The following NWD2 variants were observed in gnomAD, a reference collection of about 807,000 sequenced individuals.
NWD2 encodes the protein NACHT and WD repeat domain containing 2, also known as NACHT and WD repeat domain-containing protein 2.
Under a neutral mutation model 132.7 loss-of-function variants are expected in NWD2, and 37 were observed. That is an observed-to-expected ratio of 0.28 (90% CI 0.21 to 0.37). The LOEUF is 0.37. Among genes scored for constraint, NWD2 ranks in the 10% least tolerant of loss-of-function variants. The probability of loss-of-function intolerance (pLI) is 1.00; values close to 1 mark genes in which losing one functional copy is unlikely to be tolerated. For missense variants in NWD2, 1,592 were observed against 2,122.4 expected (o/e 0.75, Z 4.91); for synonymous variants, 705 against 803.0 (o/e 0.88, Z 2.06).
Position 37,325,972 on chromosome 4 carries a change from T to C in NWD2, c.188T>C (p.Val63Ala), listed in dbSNP as rs771873209. The C allele has an allele frequency of 2.5e-5, 38 of 1,549,038 alleles. No homozygotes were observed. The South Asian group carries it at 4.5e-4, about 18-fold the overall frequency. ...GAERQALREN[V>A]YPKLREFCRE... ...GAAAGACAGGCGCTAAGAGAAAATGTATATCCTAAACTGAGAGAATTCTGC... is the reference window on the plus strand; with the variant it reads ...GAAAGACAGGCGCTAAGAGAAAATGCATATCCTAAACTGAGAGAATTCTGC... The change falls in exon 2 of 7, where the codon GTA (valine) becomes GCA (alanine). Residue 63 changes from valine (V) to alanine (A), a missense_variant. Transcript: ENST00000309447.
intron 1 of NWD2, among the ~76,000 whole-genome samples, chr4:37,287,603 A>G (rs1009166467): frequency 9.2e-5 from 14 of 152,208 alleles, no homozygotes; most frequent in African/African-American, 2.4e-4. Flanking sequence ...AAGAACTCCA[A>G]CAACTCTAGC....
chr4:37,362,575 T>A, intron 3 of NWD2, among the ~76,000 whole-genome samples: 1 of 152,158 alleles, frequency 6.6e-6, no homozygotes, highest in East Asian at 1.9e-4. Flanking sequence ...GGGGAAAGAT[T>A]TTCTGTTTAA....
In NWD2 at chr4:37,286,964, G is replaced by C. The variant is rs192415431; in HGVS notation, c.152-38972G>C. 2.7e-3 allele frequency among the ~76,000 whole-genome samples: 417 copies of C among 152,270 alleles called. 6 individuals carry two copies. Among genetic ancestry groups the C allele is most frequent in the Admixed American group, 0.025 (384 of 15,288 alleles). On this transcript the variant is annotated intron_variant, in intron 1 of 6. Coordinates refer to ENST00000309447, the MANE Select transcript of NWD2 (RefSeq NM_001144990.2). ...CGTGTGAATCCTTCACCGGTCATCA[G>C]GGTATCCAGGTTCTCTCATCAGAAC... is the stretch of plus-strand genomic sequence containing the variant.
chr4:37,371,388 T>G (rs532345164), intron 3 of NWD2, among the ~76,000 whole-genome samples: 1 of 152,256 alleles, frequency 6.6e-6, no homozygotes, highest in East Asian at 1.9e-4. Context: ...AAGTTCAATA[T>G]GTTAAGCAAT....
intron 3 of NWD2, among the ~76,000 whole-genome samples, chr4:37,398,436 A>G (rs1028257985): frequency 6.6e-6 from 1 of 152,174 alleles, no homozygotes; most frequent in African/African-American, 2.4e-5. Context: ...AACGTCACAC[A>G]CTGGGGCCTG....
At chr4:37,312,929 T>G (rs1423248250) in intron 1 of NWD2, among the ~76,000 whole-genome samples, 2 of 151,220 alleles carry the variant, frequency 1.3e-5, no homozygotes, top group Non-Finnish European at 2.9e-5. Context: ...CTGGATTACA[T>G]TTATTAATTT....
intron 2 of NWD2, among the ~76,000 whole-genome samples, chr4:37,338,496 T>C (rs1719456463): frequency 6.6e-6 from 1 of 152,220 alleles, no homozygotes; most frequent in African/African-American, 2.4e-5. Flanking sequence ...CAGTTTGAAC[T>C]CTGGTTTAAA....
At chr4:37,356,980 C>T (rs1719883126) in intron 3 of NWD2, among the ~76,000 whole-genome samples, 1 of 152,156 alleles carries the variant, frequency 6.6e-6, no homozygotes, top group Non-Finnish European at 1.5e-5. Flanking sequence ...CAGTGATTTT[C>T]AGCTACATGT....
intron 1 of NWD2, among the ~76,000 whole-genome samples, chr4:37,245,478 C>G (rs868513831): frequency 1.3e-5 from 2 of 152,100 alleles, no homozygotes; most frequent in African/African-American, 2.4e-5. Context: ...AAGAAACATC[C>G]AAGGCATTAG....
intron 2 of NWD2, among the ~76,000 whole-genome samples, chr4:37,341,113 C>T (rs1719509946): frequency 1.3e-5 from 2 of 152,346 alleles, no homozygotes; most frequent in South Asian, 4.1e-4. Context: ...GTAGAAACTG[C>T]ACTTCAAGTA....
intron 1 of NWD2, among the ~76,000 whole-genome samples, chr4:37,255,210 G>A (rs779323381): frequency 5.9e-5 from 9 of 152,196 alleles, no homozygotes; most frequent in Non-Finnish European, 1.2e-4. Context: ...AGACACTGCC[G>A]TTGTGAAAGG....
intron 3 of NWD2, among the ~76,000 whole-genome samples, chr4:37,422,782 A>C (rs1711860860): frequency 6.6e-6 from 1 of 152,188 alleles, no homozygotes; most frequent in African/African-American, 2.4e-5. Context: ...GAAAGCTGAA[A>C]CTCAGAGAGA....
intron 2 of NWD2, among the ~76,000 whole-genome samples, chr4:37,340,940 G>A (rs1446260683): frequency 1.3e-5 from 2 of 152,118 alleles, no homozygotes; most frequent in East Asian, 3.9e-4. Context: ...ATCAGAATTT[G>A]AACCAAGGTA....
At position 37,394,800 on chromosome 4, in the gene NWD2, T is replaced by TTTTTTTTTGTTTTGTTTTG. The variant is rs1491257269; in HGVS notation, c.358-35764_358-35763insGTTTTGTTTTGTTTTTTTT. On this transcript the variant is annotated intron_variant, in intron 3 of 6. Transcript: ENST00000309447. ...TTTCCTCTATAGTGAACCTTTATGG[T>TTTTTTTTTGTTTTGTTTTG]TTTTTTTTTTTTTTTTTTTTTTTTT... Among the ~76,000 whole-genome samples the TTTTTTTTTGTTTTGTTTTG allele has an allele frequency of 1.6e-4, 6 of 36,856 alleles. 1 individual carries two copies. The highest frequency in any genetic ancestry group is 3.9e-4 in the Admixed American group (1 of 2,568). 24.2% of individuals were successfully genotyped at this position (36,856 alleles called of 152,430 possible). A position where few individuals can be genotyped will look rare whatever the true frequency, so the allele number is the denominator to read the frequency against.
intron 1 of NWD2, among the ~76,000 whole-genome samples, chr4:37,252,087 C>T (rs1717386479): frequency 6.6e-6 from 1 of 152,130 alleles, no homozygotes; most frequent in Admixed American, 6.6e-5. Context: ...GTTTGGCTTT[C>T]CCGATAATGA....
rs1712680990 is a variant in NWD2 at position 37,447,888 on chromosome 4, A to G, written c.*671A>G. 1 of 152,242 alleles carries G rather than the reference A, an allele frequency of 6.6e-6. No homozygotes were observed. Among genetic ancestry groups the G allele is most frequent in the Non-Finnish European group, 1.5e-5 (1 of 68,052 alleles). The allele number at this position is 152,242 out of a possible 1,614,324, so 9.4% of individuals were successfully genotyped here. On this transcript the variant is annotated 3_prime_UTR_variant, in exon 7 of 7. Coordinates refer to ENST00000309447, the MANE Select transcript of NWD2 (RefSeq NM_001144990.2). ...AAGACAGTTGCAACAATTGCATGCGAGGGTTTCTGTATAACAGAATATATG... is the reference window on the plus strand; with the variant it reads ...AAGACAGTTGCAACAATTGCATGCGGGGGTTTCTGTATAACAGAATATATG...
chr4:37,269,188 A>G (rs1717818956), intron 1 of NWD2, among the ~76,000 whole-genome samples: 2 of 151,928 alleles, frequency 1.3e-5, no homozygotes, highest in Admixed American at 1.3e-4. Context: ...ATCACAAATA[A>G]GTGTTTTTAA....
At chr4:37,275,924 G>C (rs944319327) in intron 1 of NWD2, among the ~76,000 whole-genome samples, 6 of 151,930 alleles carry the variant, frequency 3.9e-5, no homozygotes, top group Admixed American at 3.3e-4. Flanking sequence ...GGATCCCTTC[G>C]TTACACCTTA....
intron 1 of NWD2, among the ~76,000 whole-genome samples, chr4:37,303,699 A>G (rs10025795): frequency 0.03 from 4,605 of 152,134 alleles, 244 homozygotes; most frequent in African/African-American, 0.11. Context: ...TTTTTGTTAC[A>G]ATTACAAATG....
Sources: gnomAD v4.1 joint callset for allele counts (sites outside exome capture counted in the v4.1 genomes callset) on GRCh38, gnomAD v4.1.1 for gene constraint, MANE v1.5 for transcripts, NCBI Gene and HGNC (gene_info 2026-07-23, HGNC 2026-07-21) for gene names.